FTO: variants seen among roughly 807,000 people sequenced by gnomAD.
The protein encoded by FTO is alpha-ketoglutarate-dependent dioxygenase FTO.
A neutral mutation model predicts 63.9 loss-of-function variants in FTO; 47 were observed. That is an observed-to-expected ratio of 0.74 (90% confidence interval 0.58 to 0.94). FTO has a LOEUF of 0.94. FTO is among the 40% of genes least tolerant of loss of function. The pLI is 0.00. For missense variants in FTO, 562 were observed against 618.1 expected, an observed-to-expected ratio of 0.91 and a Z score of 0.96; for synonymous variants, 207 against 224.4, an observed-to-expected ratio of 0.92 and a Z score of 0.69.
chr16:54,020,814 A>C (rs2006909), intron 8 of FTO, among the ~76,000 whole-genome samples: 68 of 151,786 alleles, frequency 4.5e-4, no homozygotes, highest in Middle Eastern at 3.4e-3. Context: ...TCTACTAACA[A>C]TACAAAAATT....
At position 54,062,635 on chromosome 16, in the gene FTO, G is replaced by T. The variant is rs114924847; in HGVS notation, c.1365-49127G>T. Among the ~76,000 whole-genome samples the T allele has an allele frequency of 7.8e-3, 1,183 of 152,234 alleles. 14 individuals are homozygous for T. Among genetic ancestry groups the T allele is most frequent in the African/African-American group, 0.027 (1,121 of 41,534 alleles). Reference sequence around the variant, plus strand: ...CCTGCAGGAGGAGATGCTGAACCAGGCTAGGACCAGAGAAAGATGAGTGAG... The same window carrying T: ...CCTGCAGGAGGAGATGCTGAACCAGTCTAGGACCAGAGAAAGATGAGTGAG... On this transcript the variant is annotated intron_variant, in intron 8 of 8. Transcript: ENST00000471389.
intron 8 of FTO, among the ~76,000 whole-genome samples, chr16:53,999,349 C>T (rs1430221596): frequency 1.4e-4 from 21 of 152,094 alleles, no homozygotes; most frequent in Non-Finnish European, 1.0e-4. Context: ...CTTCCGGAAA[C>T]CCAGCAGAGG....
At chr16:53,916,969 A>C (rs1372242761) in intron 7 of FTO, among the ~76,000 whole-genome samples, 2 of 152,190 alleles carry the variant, frequency 1.3e-5, no homozygotes, top group Admixed American at 6.5e-5. Flanking sequence ...GTGAGACTGT[A>C]GTCGGGGAGA....
At chr16:53,977,905 T>C (rs2083463824) in intron 8 of FTO, among the ~76,000 whole-genome samples, 2 of 152,106 alleles carry the variant, frequency 1.3e-5, no homozygotes, top group Admixed American at 1.3e-4. Context: ...GGTGTTCAGG[T>C]TGGAATGCAG....
At chr16:54,023,849 C>T (rs558840264) in intron 8 of FTO, among the ~76,000 whole-genome samples, 2 of 152,246 alleles carry the variant, frequency 1.3e-5, no homozygotes, top group African/African-American at 4.8e-5. Flanking sequence ...AGTTAATTTC[C>T]AGCCATTGAC....
Position 54,099,858 on chromosome 16 carries a change from C to T in FTO, c.1365-11904C>T, listed in dbSNP as rs568175107. Reference sequence around the variant, plus strand: ...CTGCCTGCCTGGGGAGCCAAGTTGCCGCTCTACAGGACTCTACAGCGGCCT... The same window carrying T: ...CTGCCTGCCTGGGGAGCCAAGTTGCTGCTCTACAGGACTCTACAGCGGCCT... On this transcript the variant is annotated intron_variant, in intron 8 of 8. Transcript: ENST00000471389. Among the ~76,000 whole-genome samples, 7 of 152,262 alleles carry T rather than the reference C, an allele frequency of 4.6e-5. No homozygotes were observed. In the East Asian group the frequency reaches 7.7e-4, roughly 17 times the overall value.
At chr16:53,796,582 T>G (rs888198166) in intron 1 of FTO, among the ~76,000 whole-genome samples, 1 of 152,134 alleles carries the variant, frequency 6.6e-6, no homozygotes, top group African/African-American at 2.4e-5. Context: ...GAAAATATGA[T>G]ACATTTGAGA....
At chr16:53,725,124 C>T (rs1370391159) in intron 1 of FTO, among the ~76,000 whole-genome samples, 3 of 152,090 alleles carry the variant, frequency 2.0e-5, no homozygotes, top group Non-Finnish European at 4.4e-5. Context: ...AGGAGTACTT[C>T]CTTTTCATTT....
At chr16:53,720,160 G>A (rs2076003236) in intron 1 of FTO, among the ~76,000 whole-genome samples, 1 of 152,012 alleles carries the variant, frequency 6.6e-6, no homozygotes, top group Admixed American at 6.6e-5. Context: ...AACTACCAGT[G>A]CACATCACTA....
At chr16:53,704,336 G>A in intron 1 of FTO, 107 bp downstream of exon 1, 2 of 1,059,154 alleles carry the variant, frequency 1.9e-6, no homozygotes, top group Non-Finnish European at 2.9e-6. Context: ...GTTAAACTAA[G>A]GGATGACAGG....
At chr16:53,941,099 A>C (rs567094148) in intron 8 of FTO, among the ~76,000 whole-genome samples, 1 of 152,336 alleles carries the variant, frequency 6.6e-6, no homozygotes, top group South Asian at 2.1e-4. Context: ...GGTGTTCTCC[A>C]CCGGTATCTG....
rs1339851820 is a variant in FTO at position 54,113,810 on chromosome 16, T to C, written c.*1895T>C. On this transcript the variant is annotated 3_prime_UTR_variant, in exon 9 of 9. Coordinates refer to ENST00000471389, the MANE Select transcript of FTO (RefSeq NM_001080432.3). Reference sequence around the variant, plus strand: ...AAGGTCTGCATTTTCTTTTTTCTTTTCTTTTTTTTTTTTTTTGAGACACAG... The same window carrying C: ...AAGGTCTGCATTTTCTTTTTTCTTTCCTTTTTTTTTTTTTTTGAGACACAG... The C allele has an allele frequency of 2.0e-4, 24 of 119,652 alleles. No individual in the cohort carries two copies. Among genetic ancestry groups the C allele is most frequent in the African/African-American group, 7.1e-4 (24 of 33,952 alleles). The allele number at this position is 119,652 out of a possible 1,614,324, so 7.4% of individuals were successfully genotyped here. A position where few individuals can be genotyped will look rare whatever the true frequency, so the allele number is the denominator to read the frequency against.
chr16:53,990,746 C>T (rs2083790360), intron 8 of FTO, among the ~76,000 whole-genome samples: 1 of 150,964 alleles, frequency 6.6e-6, no homozygotes, highest in African/African-American at 2.5e-5. Context: ...CGGCTCATTG[C>T]AACATCCACC....
At chr16:53,815,636 GTTTTTTTTTT>G (rs556357629) in intron 2 of FTO, among the ~76,000 whole-genome samples, 9 of 98,184 alleles carry the variant, frequency 9.2e-5, no homozygotes, top group African/African-American at 2.7e-4. Flanking sequence ...TGACTTTCTT[GTTTTTTTTTT>G]TTTTTTTTTT....
chr16:53,712,423 G>A (rs907215537), intron 1 of FTO, among the ~76,000 whole-genome samples: 1 of 152,120 alleles, frequency 6.6e-6, no homozygotes, highest in Non-Finnish European at 1.5e-5. Flanking sequence ...CAATATATGG[G>A]TAAGCCTTTA....
At chr16:53,875,130 A>G (rs1228819684) in intron 5 of FTO, among the ~76,000 whole-genome samples, 2 of 121,982 alleles carry the variant, frequency 1.6e-5, no homozygotes, top group Non-Finnish European at 4.1e-5. Context: ...GGGAGGAGCA[A>G]GTATTTATAG....
chr16:54,038,695 G>T (rs182661222), intron 8 of FTO, among the ~76,000 whole-genome samples: 2 of 152,228 alleles, frequency 1.3e-5, no homozygotes, highest in East Asian at 3.9e-4. Context: ...TGTTTAAAGA[G>T]CCTGGCACCT....
chr16:53,769,355 C>G (rs2077282268), intron 1 of FTO, among the ~76,000 whole-genome samples: 1 of 152,146 alleles, frequency 6.6e-6, no homozygotes, highest in Admixed American at 6.5e-5. Flanking sequence ...AGCTCTGTCA[C>G]TTACTCATTG....
At chr16:53,858,547 C>A (rs141425002) in intron 4 of FTO, among the ~76,000 whole-genome samples, 1 of 152,208 alleles carries the variant, frequency 6.6e-6, no homozygotes, top group African/African-American at 2.4e-5. Context: ...AACTTCCCCT[C>A]TCCTTCTCCC....
Sources: gnomAD v4.1 joint callset for allele counts (sites outside exome capture counted in the v4.1 genomes callset) on GRCh38, gnomAD v4.1.1 for gene constraint, MANE v1.5 for transcripts, NCBI Gene and HGNC (gene_info 2026-07-23, HGNC 2026-07-21) for gene names.